The following GBF1 variants were observed in gnomAD, a reference collection of about 807,000 sequenced individuals.
The protein encoded by GBF1 is Golgi-specific brefeldin A-resistance guanine nucleotide exchange factor 1.
Under a neutral mutation model 210.5 loss-of-function variants are expected in GBF1, and 114 were observed. The ratio of observed to expected loss-of-function variants is 0.54; its 90% CI spans 0.47 to 0.63. The LOEUF (loss-of-function observed/expected upper bound fraction) is 0.63, where lower values mean the gene tolerates loss of function less well. GBF1 is among the 30% of genes least tolerant of loss of function. The probability of loss-of-function intolerance (pLI) is 0.00; values close to 1 mark genes in which losing one functional copy is unlikely to be tolerated. For synonymous variants in GBF1, 850 were observed against 889.2 expected, an observed-to-expected ratio of 0.96 and a Z score of 0.78; for missense variants, 1,851 against 2,357.7, an observed-to-expected ratio of 0.79 and a Z score of 4.45.
At chr10:102,370,619 A>G (rs2135222818) in intron 28 of GBF1, 88 bp from the exon 29 acceptor site, 1 of 1,399,494 alleles carries the variant, frequency 7.1e-7, no homozygotes, top group South Asian at 1.2e-5. Flanking sequence ...TTAGGGTATA[A>G]TACCAATGAG....
intron 1 of GBF1, among the ~76,000 whole-genome samples, chr10:102,253,152 C>T (rs2071820972): frequency 6.6e-6 from 1 of 152,160 alleles, no homozygotes; most frequent in Admixed American, 6.6e-5. Flanking sequence ...GCTTTGGCCT[C>T]CCAAAGTGCT....
intron 1 of GBF1, among the ~76,000 whole-genome samples, chr10:102,254,153 A>G (rs2072009692): frequency 6.6e-6 from 1 of 152,082 alleles, no homozygotes; most frequent in Admixed American, 6.5e-5. Flanking sequence ...TTTTAATTTT[A>G]ACATGGTTGA....
In GBF1 at chr10:102,377,028, G is replaced by A. The variant is rs776653458; in HGVS notation, c.4382G>A (p.Arg1461His). The change falls in exon 33 of 40, where the codon CGC (arginine) becomes CAC (histidine). Residue 1461 changes from arginine (R) to histidine (H), a missense_variant. By Grantham distance (29) the Arg-to-His change is conservative. Transcript: ENST00000369983. ...KKKSKEGSML[R>H]RPRTSSQHAS... Reference sequence around the variant, plus strand: ...AAATCCAAAGAGGGATCAATGCTTCGCCGGCCTCGAACCTCCAGCCAACAT... The same window carrying A: ...AAATCCAAAGAGGGATCAATGCTTCACCGGCCTCGAACCTCCAGCCAACAT... 1.3e-5 allele frequency: 21 copies of A among 1,613,974 alleles called. No individual in the cohort carries two copies. The highest frequency in any genetic ancestry group is 3.3e-5 in the Admixed American group (2 of 60,006).
rs781013460 is a variant in GBF1, at chr10:102,380,679, C to T, written c.5166C>T (p.Val1722=). 2.5e-6 allele frequency: 4 copies of T among 1,608,550 alleles called. No individual in the cohort carries two copies. The South Asian group carries it at 3.3e-5, about 13-fold the overall frequency. The stretch of plus-strand genomic sequence containing the variant: ...GAGATGAACTCTTCAAGCAGACCGT[C>T]ATCCAGGGTAGGGGGCTCAGCCCAG... ...HLRDELFKQT[V]IQDPMPMEPQ... Residue 1722 remains valine, a synonymous_variant, in exon 38 of 40, where the codon GTC becomes GTT. Transcript: ENST00000369983.
chr10:102,251,995 C>G (rs1276077903), intron 1 of GBF1, among the ~76,000 whole-genome samples: 1 of 151,834 alleles, frequency 6.6e-6, no homozygotes, highest in Non-Finnish European at 1.5e-5. Context: ...TTGAGACCAG[C>G]CTGGCCAACA....
At chr10:102,272,134 T>C (rs2074495871) in intron 3 of GBF1, among the ~76,000 whole-genome samples, 1 of 150,334 alleles carries the variant, frequency 6.7e-6, no homozygotes, top group Non-Finnish European at 1.5e-5. Flanking sequence ...TTAGACGGAG[T>C]CTTGCTCTGT....
chr10:102,306,770 A>G (rs915781372), intron 3 of GBF1, among the ~76,000 whole-genome samples: 1 of 152,226 alleles, frequency 6.6e-6, no homozygotes, highest in African/African-American at 2.4e-5. Flanking sequence ...GGAATTGGCC[A>G]TTATTATTAG....
chr10:102,382,738 T>G lies in GBF1; in HGVS notation c.*402T>G, dbSNP rs2060925848. The G allele has an allele frequency of 5.5e-6, 1 of 181,530 alleles. No individual in the cohort carries two copies. The highest frequency in any genetic ancestry group is 1.1e-5 in the Non-Finnish European group (1 of 87,530). 11.2% of individuals were successfully genotyped at this position (181,530 alleles called of 1,614,324 possible). Reference sequence around the variant, plus strand: ...CTGGGCCACCTCCTCCAGTTCTTCCTCTTTTACTAATTAGTTGGTCAGTTT... The same window carrying G: ...CTGGGCCACCTCCTCCAGTTCTTCCGCTTTTACTAATTAGTTGGTCAGTTT... On this transcript the variant is annotated 3_prime_UTR_variant, in exon 40 of 40. Transcript: ENST00000369983.
At chr10:102,318,065 C>T (rs1005611817) in intron 3 of GBF1, among the ~76,000 whole-genome samples, 2 of 152,052 alleles carry the variant, frequency 1.3e-5, no homozygotes, top group Non-Finnish European at 2.9e-5. Context: ...CCTGCCACCA[C>T]GCCTGGCTAA....
chr10:102,375,590 C>T lies in GBF1; in HGVS notation c.3886+6C>T, dbSNP rs2060450323. On this transcript the variant is annotated splice_donor_region_variant and intron_variant, in intron 30 of 39. Transcript: ENST00000369983. The stretch of plus-strand genomic sequence containing the variant: ...GGCAGATGCACCTGATGCCGGTAAG[C>T]CCTTTCCCAGGGAGACTCAGGCTGG... 1 of 1,591,080 alleles carries T rather than the reference C, an allele frequency of 6.3e-7. No individual in the cohort carries two copies. The highest frequency in any genetic ancestry group is 8.6e-7 in the Non-Finnish European group (1 of 1,159,830).
At chr10:102,380,135 C>T in intron 36 of GBF1, 114 bp from the exon 37 acceptor site, 1 of 788,546 alleles carries the variant, frequency 1.3e-6, no homozygotes. Flanking sequence ...GAGATTCCTC[C>T]ATCTCTGATC....
At chr10:102,330,018 T>C (rs1364766565) in intron 3 of GBF1, among the ~76,000 whole-genome samples, 1 of 152,102 alleles carries the variant, frequency 6.6e-6, no homozygotes, top group Admixed American at 6.6e-5. Flanking sequence ...TTGGTAGTCT[T>C]AGCCACTCAG....
intron 29 of GBF1, among the ~76,000 whole-genome samples, chr10:102,372,652 T>C (rs2060276100): frequency 6.6e-6 from 1 of 152,188 alleles, no homozygotes; most frequent in Non-Finnish European, 1.5e-5. Flanking sequence ...TTGACCAAGA[T>C]GTAAGAACAA....
In GBF1 at chr10:102,358,542, C is replaced by CT. The variant is rs759171243; in HGVS notation, c.824_825insT (p.Ser276LeufsTer33). The stretch of plus-strand genomic sequence containing the variant: ...TTCATTGATGTGCCCACTCCCATCT[C>CT]CTCTGCAAGTTCAGAAGCTGCCTCA... On this transcript the variant is annotated frameshift_variant, in exon 10 of 40. Transcript: ENST00000369983. LOFTEE classifies it high-confidence loss of function. 1 of 1,614,064 alleles carries CT rather than the reference C, an allele frequency of 6.2e-7. No individual in the cohort carries two copies. Among genetic ancestry groups the CT allele is most frequent in the Non-Finnish European group, 8.5e-7 (1 of 1,179,916 alleles).
rs935437375 is a variant in GBF1, at chr10:102,363,160, C to G, written c.1877-96C>G. On this transcript the variant is annotated intron_variant, in intron 15 of 39. Coordinates refer to ENST00000369983, the MANE Select transcript of GBF1 (RefSeq NM_001377137.1). The surrounding 1 kb of genome is among the most constrained non-coding windows in gnomAD (Gnocchi z 4.2). ...CAGGGCTGGCGCCCTGTGCAGGAAC[C>G]ATGCAGGTCTTCTGGGCTTGGGATT... 8.5e-7 allele frequency: 1 copy of G among 1,170,150 alleles called. No individual in the cohort carries two copies. Among genetic ancestry groups the G allele is most frequent in the Non-Finnish European group, 1.2e-6 (1 of 837,554 alleles). 72.5% of individuals were successfully genotyped at this position (1,170,150 alleles called of 1,614,324 possible).
Position 102,382,527 on chromosome 10 carries a change from C to T in GBF1, c.*191C>T. 1 of 554,178 alleles carries T rather than the reference C, an allele frequency of 1.8e-6. No homozygotes were observed. Among genetic ancestry groups the T allele is most frequent in the Non-Finnish European group, 3.2e-6 (1 of 317,190 alleles). 34.3% of individuals were successfully genotyped at this position (554,178 alleles called of 1,614,324 possible). A position where few individuals can be genotyped will look rare whatever the true frequency, so the allele number is the denominator to read the frequency against. On this transcript the variant is annotated 3_prime_UTR_variant, in exon 40 of 40. Transcript: ENST00000369983. ...CCCCAATCAGCTGTGGGACCTTTTT[C>T]CTCCTCTGCGCTCCATTCCTGGGGG...
intron 3 of GBF1, among the ~76,000 whole-genome samples, chr10:102,325,323 C>T (rs915036463): frequency 6.6e-6 from 1 of 151,994 alleles, no homozygotes; most frequent in Non-Finnish European, 1.5e-5. Context: ...CCAAGGCAGG[C>T]GGATCACCTG....
chr10:102,234,330 G>C, the GBF1 span, among the ~76,000 whole-genome samples: 1 of 152,146 alleles, frequency 6.6e-6, no homozygotes, highest in Non-Finnish European at 1.5e-5. Context: ...GGTTGAGAAA[G>C]AGTCCCTGCT....
At chr10:102,321,936 C>G (rs979483899) in intron 3 of GBF1, among the ~76,000 whole-genome samples, 1 of 152,126 alleles carries the variant, frequency 6.6e-6, no homozygotes. Context: ...ACAGCTCACT[C>G]TAGCCTCAAC....
Sources: gnomAD v4.1 joint callset for allele counts (sites outside exome capture counted in the v4.1 genomes callset) on GRCh38, gnomAD v4.1.1 for gene constraint, Gnocchi (gnomAD v3.1) non-coding constraint, MANE v1.5 for transcripts, NCBI Gene and HGNC (gene_info 2026-07-23, HGNC 2026-07-21) for gene names.